Variants in GPRIN3 observed in about 807,000 individuals in gnomAD.
The protein encoded by GPRIN3 is GPRIN family member 3.
Under a neutral mutation model 13.7 loss-of-function variants are expected in GPRIN3, and 12 were observed. The ratio of observed to expected loss-of-function variants is 0.87; its 90% CI spans 0.56 to 1.42. GPRIN3 has a LOEUF of 1.42. Ranked by LOEUF, GPRIN3 falls within the 40% of genes most tolerant of loss-of-function variation. GPRIN3 has a pLI of 0.00. For synonymous variants in GPRIN3, 377 were observed against 372.7 expected (o/e 1.01, Z -0.13); for missense variants, 1,009 against 958.7 (o/e 1.05, Z -0.69).
In GPRIN3 at chr4:89,250,983, T is replaced by C. The variant is rs574981403; in HGVS notation, c.-123-750A>G. 11 of 152,144 alleles carry C rather than the reference T, an allele frequency of 7.2e-5. No homozygotes were observed. In the East Asian group the frequency reaches 1.9e-3, roughly 27 times the overall value. The allele number at this position is 152,144 out of a possible 1,614,324, so 9.4% of individuals were successfully genotyped here. On this transcript the variant is annotated intron_variant, in intron 1 of 1. Transcript: ENST00000609438. ...AACAAACATAGGTGACTAAATAAAA[T>C]TCAAAACCTGAATTTTATGGCATGA...
Position 89,249,383 on chromosome 4 carries a change from C to T in GPRIN3, c.728G>A (p.Gly243Glu). ...RSCKPLTRES[G>E]CSENKQPSVT... ...AGAGGGCTGCTTGTTCTCTGAACAT[C>T]CAGATTCTCTAGTTAGAGGTTTACA... The change falls in exon 2 of 2, where the codon GGA becomes GAA. Residue 243 changes from glycine to glutamate, a missense_variant. Transcript: ENST00000609438. The T allele has an allele frequency of 6.2e-7, 1 of 1,614,132 alleles. No individual in the cohort carries two copies. The highest frequency in any genetic ancestry group is 8.5e-7 in the Non-Finnish European group (1 of 1,180,018).
At chr4:89,259,794 C>T (rs561954232) in intron 1 of GPRIN3, among the ~76,000 whole-genome samples, 1 of 152,136 alleles carries the variant, frequency 6.6e-6, no homozygotes, top group Non-Finnish European at 1.5e-5. Context: ...AATGCAGAGG[C>T]GGACACCTAA....
intron 1 of GPRIN3, among the ~76,000 whole-genome samples, chr4:89,297,553 G>A (rs897817285): frequency 2.0e-5 from 3 of 152,032 alleles, no homozygotes; most frequent in African/African-American, 7.3e-5. Flanking sequence ...ACCAGTCTCT[G>A]CGCTCCAAGG....
Position 89,248,766 on chromosome 4 carries a change from C to G in GPRIN3, c.1345G>C (p.Glu449Gln). Residue 449 changes from glutamate to glutamine, a missense_variant, in exon 2 of 2, where the codon GAG becomes CAG. Coordinates refer to ENST00000609438, the MANE Select transcript of GPRIN3 (RefSeq NM_198281.3). Reference protein sequence around the residue: ...RLAGMTPVREESTAKKLAGTN... With the variant: ...RLAGMTPVREQSTAKKLAGTN... The stretch of plus-strand genomic sequence containing the variant: ...CCTGCGAGCTTTTTAGCAGTTGACT[C>G]TTCCCTCACTGGAGTCATTCCTGCT... The G allele has an allele frequency of 1.2e-6, 2 of 1,614,208 alleles. No homozygotes were observed. Among genetic ancestry groups the G allele is most frequent in the Non-Finnish European group, 1.7e-6 (2 of 1,180,026 alleles).
At chr4:89,281,180 A>G (rs1724240192) in intron 1 of GPRIN3, among the ~76,000 whole-genome samples, 2 of 151,858 alleles carry the variant, frequency 1.3e-5, no homozygotes, top group Admixed American at 6.6e-5. Flanking sequence ...CTGGAGTGCA[A>G]TAGCGTGAAC....
At chr4:89,301,978 G>A (rs1190513396) in intron 1 of GPRIN3, among the ~76,000 whole-genome samples, 1 of 152,152 alleles carries the variant, frequency 6.6e-6, no homozygotes, top group Non-Finnish European at 1.5e-5. Context: ...CAATCTTCTA[G>A]AGGTGGCTTG....
At chr4:89,262,033 G>A (rs1376128202) in intron 1 of GPRIN3, among the ~76,000 whole-genome samples, 1 of 151,566 alleles carries the variant, frequency 6.6e-6, no homozygotes, top group Non-Finnish European at 1.5e-5. Context: ...GGCTGAGGTG[G>A]TGGAACTGCT....
intron 1 of GPRIN3, among the ~76,000 whole-genome samples, chr4:89,286,973 C>T (rs915608292): frequency 2.0e-5 from 3 of 152,110 alleles, no homozygotes; most frequent in African/African-American, 7.2e-5. Context: ...CTGCACTTCA[C>T]TCTGGGTAAC....
intron 1 of GPRIN3, among the ~76,000 whole-genome samples, chr4:89,272,009 T>C (rs899750744): frequency 2.0e-5 from 3 of 152,230 alleles, no homozygotes; most frequent in Middle Eastern, 3.4e-3. Context: ...CCATGTGAGG[T>C]TGTGGCAAGA....
chr4:89,249,853 T>G lies in GPRIN3; in HGVS notation c.258A>C (p.Glu86Asp). 6.2e-7 allele frequency: 1 copy of G among 1,614,212 alleles called. No homozygotes were observed. The highest frequency in any genetic ancestry group is 8.5e-7 in the Non-Finnish European group (1 of 1,180,022). Residue 86 changes from glutamate to aspartate, a missense_variant, in exon 2 of 2, where the codon GAA becomes GAC. Physicochemically the swap from Glu to Asp is conservative, Grantham distance 45. Transcript: ENST00000609438. ...PDMSSPGVFN[E>D]VQKAPATFNS... ...TGAATGTGGCAGGTGCTTTCTGCAC[T>G]TCATTGAACACACCAGGAGAAGACA...
At chr4:89,254,810 C>A (rs1723424269) in intron 1 of GPRIN3, among the ~76,000 whole-genome samples, 2 of 152,166 alleles carry the variant, frequency 1.3e-5, no homozygotes, top group Non-Finnish European at 2.9e-5. Context: ...ACAATGTTTT[C>A]CACAATGATG....
chr4:89,276,814 C>CT (rs1402596276), intron 1 of GPRIN3, among the ~76,000 whole-genome samples: 1 of 152,110 alleles, frequency 6.6e-6, no homozygotes, highest in Non-Finnish European at 1.5e-5. Flanking sequence ...CTGGGTGGTG[C>CT]TTCACCTACT....
chr4:89,270,565 TTATATATATA>T lies in GPRIN3; in HGVS notation c.-123-20342_-123-20333del, dbSNP rs1199230242. Among the ~76,000 whole-genome samples the T allele has an allele frequency of 2.5e-3, 203 of 82,348 alleles. 1 individual carries two copies. The highest frequency in any genetic ancestry group is 0.013 in the East Asian group (32 of 2,420). 54.0% of individuals were successfully genotyped at this position (82,348 alleles called of 152,430 possible). On this transcript the variant is annotated intron_variant, in intron 1 of 1. Transcript: ENST00000609438. ...ATATATATTTATATATGTATATAAT[TTATATATATA>T]TATATATATATATATATATATATAT...
intron 1 of GPRIN3, among the ~76,000 whole-genome samples, chr4:89,267,804 G>C (rs576641931): frequency 6.6e-6 from 1 of 152,346 alleles, no homozygotes; most frequent in Admixed American, 6.5e-5. Flanking sequence ...GAGGACATTA[G>C]AGAAACCTAC....
At chr4:89,301,244 C>A (rs952586429) in intron 1 of GPRIN3, among the ~76,000 whole-genome samples, 32 of 152,214 alleles carry the variant, frequency 2.1e-4, no homozygotes, top group African/African-American at 7.7e-4. Context: ...ATGTCTTTTG[C>A]ATTTTTGAAC....
chr4:89,282,403 T>A (rs1228859107), intron 1 of GPRIN3, among the ~76,000 whole-genome samples: 1 of 152,130 alleles, frequency 6.6e-6, no homozygotes, highest in Non-Finnish European at 1.5e-5. Context: ...CCTCAAGGGG[T>A]TGTAATCTCT....
chr4:89,300,888 AT>A (rs1271440916), intron 1 of GPRIN3, among the ~76,000 whole-genome samples: 3 of 152,172 alleles, frequency 2.0e-5, no homozygotes, highest in East Asian at 1.9e-4. Context: ...TCTGACTAAA[AT>A]TTTTACTGGA....
At chr4:89,287,041 A>G (rs1229575566) in intron 1 of GPRIN3, among the ~76,000 whole-genome samples, 2 of 152,348 alleles carry the variant, frequency 1.3e-5, no homozygotes, top group Non-Finnish European at 2.9e-5. Context: ...AATCTTGAGG[A>G]ATTCAGTAGT....
At chr4:89,259,100 C>T (rs1723558146) in intron 1 of GPRIN3, among the ~76,000 whole-genome samples, 1 of 152,160 alleles carries the variant, frequency 6.6e-6, no homozygotes, top group South Asian at 2.1e-4. Context: ...ACTATATGTT[C>T]CCCTAAATCC....
Sources: gnomAD v4.1 joint callset for allele counts (sites outside exome capture counted in the v4.1 genomes callset) on GRCh38, gnomAD v4.1.1 for gene constraint, MANE v1.5 for transcripts, NCBI Gene and HGNC (gene_info 2026-07-23, HGNC 2026-07-21) for gene names.